Variants in VPS13C observed in about 807,000 individuals in gnomAD.
VPS13C encodes intermembrane lipid transfer protein VPS13C.
In VPS13C, 358 loss-of-function variants were observed where a neutral mutation model predicts 456.8. The observed-to-expected ratio is 0.78, with a 90% CI of 0.72 to 0.86. The LOEUF is 0.86. Ranked by LOEUF, VPS13C falls within the 40% of genes least tolerant of loss-of-function variation. The pLI, the probability that VPS13C is intolerant of heterozygous loss-of-function variation, is 0.00. For missense variants in VPS13C, 4,818 were observed against 4,385.4 expected (o/e 1.10, Z -2.79); for synonymous variants, 1,578 against 1,486.7 (o/e 1.06, Z -1.41).
In VPS13C at chr15:61,961,865, T is replaced by C; in HGVS notation, c.3632A>G (p.Lys1211Arg). The C allele has an allele frequency of 1.2e-6, 2 of 1,612,770 alleles. No individual in the cohort carries two copies. Among genetic ancestry groups the C allele is most frequent in the Non-Finnish European group, 1.7e-6 (2 of 1,179,436 alleles). The change falls in exon 35 of 85, where the codon AAA (lysine) becomes AGA (arginine). Residue 1211 changes from lysine to arginine, a missense_variant. Lys to Arg is a conservative substitution (Grantham distance 26). This residue lies in a region of VPS13C where 4,552 missense variants were observed against 4,130.6 expected (regional missense o/e 1.10). Coordinates refer to ENST00000644861, the MANE Select transcript of VPS13C (RefSeq NM_020821.3). ...GGCAGTGGCAGCACTCAGAGACTCT[T>C]TGGCTGTCTGGAAATTATTCAGGAA... is the stretch of plus-strand genomic sequence containing the variant. ...LNFLNNFQTA[K>R]ESLSAATAQA... is the part of the protein sequence containing the mutation.
chr15:61,985,313 G>A (rs2046012829), intron 18 of VPS13C, among the ~76,000 whole-genome samples: 1 of 152,168 alleles, frequency 6.6e-6, no homozygotes, highest in African/African-American at 2.4e-5. Context: ...CTGGAGTGCA[G>A]TGGCACAATC....
chr15:61,952,256 T>A (rs78194222), intron 38 of VPS13C, among the ~76,000 whole-genome samples: 1,712 of 152,318 alleles, frequency 0.011, 30 homozygotes, highest in African/African-American at 0.039. Flanking sequence ...TTTGAGCTGG[T>A]AATTCTTTGT....
At chr15:62,037,282 T>TAATATATA (rs1567136679) in intron 3 of VPS13C, among the ~76,000 whole-genome samples, 1 of 48,668 alleles carries the variant, frequency 2.1e-5, no homozygotes, top group Admixed American at 4.6e-4. Context: ...TAATATATTA[T>TAATATATA]ATATATTATA....
In VPS13C at chr15:61,874,880, T is replaced by C; in HGVS notation, c.10410A>G (p.Thr3470=). 3 of 1,593,184 alleles carry C rather than the reference T, an allele frequency of 1.9e-6. No homozygotes were observed. Among genetic ancestry groups the C allele is most frequent in the Non-Finnish European group, 1.7e-6 (2 of 1,170,946 alleles). ...VIGVRSLFGH[T]VGGAAGVVSR... ...ACACAAATATGTGATACATACCTAC[T>C]GTGTGTCCAAAGAGGCTTCTCACTC... Residue 3470 remains threonine, a synonymous_variant, in exon 77 of 85, where the codon ACA becomes ACG. Transcript: ENST00000644861.
chr15:61,854,602 G>A (rs772363969), intron 84 of VPS13C, 44 bp from the exon 85 acceptor site: 1 of 1,589,256 alleles, frequency 6.3e-7, no homozygotes, highest in East Asian at 2.2e-5. Context: ...GACAAGTATA[G>A]GCTCATTTGG....
intron 81 of VPS13C, chr15:61,864,551 G>GATAAT (rs1447679656): frequency 1.2e-5 from 11 of 909,940 alleles, no homozygotes; most frequent in Middle Eastern, 5.7e-4. Flanking sequence ...TTATTAAAAG[G>GATAAT]ATAATATAAT....
chr15:61,970,705 T>C (rs763465922), intron 27 of VPS13C, among the ~76,000 whole-genome samples: 7 of 152,070 alleles, frequency 4.6e-5, no homozygotes, highest in Non-Finnish European at 8.8e-5. Context: ...GCTGGGGTAT[T>C]CTGTTATAGT....
At chr15:62,015,579 T>C (rs1596479485) in intron 9 of VPS13C, among the ~76,000 whole-genome samples, 1 of 139,232 alleles carries the variant, frequency 7.2e-6, no homozygotes, top group Non-Finnish European at 1.5e-5. Context: ...ATATACACCA[T>C]GGAATACTAT....
Position 61,867,787 on chromosome 15 carries a change from T to C in VPS13C, c.10863+872A>G. ...TTTTATTTGTAGTCAATCCCACTAC[T>C]ATGAAAAGTTCAGATGGAGGTGAGA... On this transcript the variant is annotated intron_variant, in intron 81 of 84. Transcript: ENST00000644861. The surrounding 1 kb of genome is among the most constrained non-coding windows in gnomAD (Gnocchi z 5.0). The C allele has an allele frequency of 2.0e-6, 3 of 1,505,840 alleles. No homozygotes were observed. Among genetic ancestry groups the C allele is most frequent in the Non-Finnish European group, 2.7e-6 (3 of 1,129,586 alleles). 93.3% of individuals were successfully genotyped at this position (1,505,840 alleles called of 1,614,324 possible). A position where few individuals can be genotyped will look rare whatever the true frequency, so the allele number is the denominator to read the frequency against.
chr15:62,052,672 C>CAAAAA (rs35444089), intron 1 of VPS13C, among the ~76,000 whole-genome samples: 7 of 70,500 alleles, frequency 9.9e-5, no homozygotes, highest in South Asian at 5.0e-4. Flanking sequence ...GACTCCGTCT[C>CAAAAA]AAAAAAAAAA....
chr15:61,901,968 T>A (rs1175601721), intron 66 of VPS13C, among the ~76,000 whole-genome samples: 1 of 152,008 alleles, frequency 6.6e-6, no homozygotes, highest in Non-Finnish European at 1.5e-5. Context: ...TGTAGGGACA[T>A]GGATGAAACT....
At chr15:61,945,971 T>C in intron 44 of VPS13C, 89 bp from the exon 45 acceptor site, 1 of 1,132,692 alleles carries the variant, frequency 8.8e-7, no homozygotes, top group African/African-American at 1.6e-5. Context: ...TATTACAGAA[T>C]CCTTGATAAG....
At position 62,060,398 on chromosome 15, in the gene VPS13C, G is replaced by A. The variant is rs909592673; in HGVS notation, c.-24C>T. 7.2e-7 allele frequency: 1 copy of A among 1,385,216 alleles called. No homozygotes were observed. 85.8% of individuals were successfully genotyped at this position (1,385,216 alleles called of 1,614,324 possible). A position where few individuals can be genotyped will look rare whatever the true frequency, so the allele number is the denominator to read the frequency against. Reference sequence around the variant, plus strand: ...ATGGTGGCGCTGAGGCACAAGGAGAGGGAGGAGCCGGAACCGCCCGGCGCA... The same window carrying A: ...ATGGTGGCGCTGAGGCACAAGGAGAAGGAGGAGCCGGAACCGCCCGGCGCA... On this transcript the variant is annotated 5_prime_UTR_variant, in exon 1 of 85. Transcript: ENST00000644861.
At chr15:61,864,162 G>A (rs1322309245) in intron 81 of VPS13C, 1 of 249,984 alleles carries the variant, frequency 4.0e-6, no homozygotes, top group Admixed American at 6.6e-5. Context: ...ACATGCGTGG[G>A]GAAGTATATT....
At position 62,007,666 on chromosome 15, in the gene VPS13C, AG is replaced by A. The variant is rs201111045; in HGVS notation, c.1119-188del. ...AGACTTAGATATAAGAAAACCCTTA[AG>A]GAACAGACTTTGCCAAAGCAAAATC... is the stretch of plus-strand genomic sequence containing the variant. On this transcript the variant is annotated intron_variant, in intron 14 of 84. Transcript: ENST00000644861. 8.4e-3 allele frequency among the ~76,000 whole-genome samples: 1,282 copies of A among 152,342 alleles called. 12 individuals are homozygous for A. The highest frequency in any genetic ancestry group is 0.014 in the Non-Finnish European group (951 of 68,030).
chr15:62,053,386 T>G (rs1452321573), intron 1 of VPS13C, among the ~76,000 whole-genome samples: 1 of 152,226 alleles, frequency 6.6e-6, no homozygotes, highest in Admixed American at 6.5e-5. Flanking sequence ...TATATTACAC[T>G]TGGACCCACA....
At chr15:61,956,872 G>C (rs1032479702) in intron 37 of VPS13C, among the ~76,000 whole-genome samples, 3 of 152,178 alleles carry the variant, frequency 2.0e-5, no homozygotes, top group East Asian at 3.9e-4. Flanking sequence ...ACAACCAGTT[G>C]GAAAACTGCT....
At chr15:61,868,083 T>A in intron 81 of VPS13C, 1 of 648,132 alleles carries the variant, frequency 1.5e-6, no homozygotes, top group Non-Finnish European at 2.7e-6. Context: ...AGAAAAATAT[T>A]AATACATTTC....
rs1893793570 is a variant in VPS13C, at chr15:61,854,357, G to T, written c.*100C>A. ...CTATTCCAGAAAACTAAAACTAAAG[G>T]ATTGCTTGAAAAATTGTCTTTAGCA... is the stretch of plus-strand genomic sequence containing the variant. On this transcript the variant is annotated 3_prime_UTR_variant, in exon 85 of 85. Coordinates refer to ENST00000644861, the MANE Select transcript of VPS13C (RefSeq NM_020821.3). 9.0e-7 allele frequency: 1 copy of T among 1,116,552 alleles called. No individual in the cohort carries two copies. Among genetic ancestry groups the T allele is most frequent in the Non-Finnish European group, 1.4e-6 (1 of 730,364 alleles). 69.2% of individuals were successfully genotyped at this position (1,116,552 alleles called of 1,614,324 possible).
Sources: gnomAD v4.1 joint callset for allele counts (sites outside exome capture counted in the v4.1 genomes callset) on GRCh38, gnomAD v4.1.1 for gene constraint, gnomAD v4.1.1 regional missense constraint, Gnocchi (gnomAD v3.1) non-coding constraint, MANE v1.5 for transcripts, NCBI Gene and HGNC (gene_info 2026-07-23, HGNC 2026-07-21) for gene names.